Variants in WARS2 observed in about 807,000 individuals in gnomAD.
WARS2 encodes tryptophan--tRNA ligase, mitochondrial.
A neutral mutation model predicts 36.5 loss-of-function variants in WARS2; 28 were observed. That is an observed-to-expected ratio of 0.77 (90% CI 0.57 to 1.05). The LOEUF (loss-of-function observed/expected upper bound fraction) is 1.05. WARS2 is among the 50% of genes least tolerant of loss of function. The pLI, the probability that WARS2 is intolerant of heterozygous loss-of-function variation, is 0.00. For synonymous variants in WARS2, 174 were observed against 178.4 expected, an observed-to-expected ratio of 0.98 and a Z score of 0.20; for missense variants, 435 against 456.8, an observed-to-expected ratio of 0.95 and a Z score of 0.44.
At chr1:119,075,136 A>G (rs1043953964) in intron 2 of WARS2, among the ~76,000 whole-genome samples, 4 of 148,650 alleles carry the variant, frequency 2.7e-5, no homozygotes, top group Admixed American at 2.7e-4. Context: ...CTAATCTCTA[A>G]AAATTTAAAA....
Position 119,122,770 on chromosome 1 carries a change from A to T in WARS2, c.90+17785T>A, listed in dbSNP as rs752334345. ...GATGAAGTTGGAGACCACTATTCTA[A>T]GTGAAGTAACTTATGAATGGGAAAA... On this transcript the variant is annotated intron_variant, in intron 1 of 5. Transcript: ENST00000235521. Among the ~76,000 whole-genome samples, 62 of 152,314 alleles carry T rather than the reference A, an allele frequency of 4.1e-4. 1 individual carries two copies. The highest frequency in any genetic ancestry group is 7.2e-4 in the Admixed American group (11 of 15,294).
At chr1:119,069,886 C>T (rs1232392286) in intron 2 of WARS2, among the ~76,000 whole-genome samples, 2 of 152,138 alleles carry the variant, frequency 1.3e-5, no homozygotes, top group African/African-American at 2.4e-5. Flanking sequence ...CTCCCCACTT[C>T]CCCTCCACAA....
rs3790549 is a variant in WARS2 at position 119,033,195 on chromosome 1, C to G, written c.799G>C (p.Ala267Pro). 0.049 allele frequency: 79,756 copies of G among 1,614,182 alleles called. 2,726 individuals carry two copies. Among genetic ancestry groups the G allele is most frequent in the East Asian group, 0.18 (8,096 of 44,878 alleles). Residue 267 changes from alanine (A) to proline (P), a missense_variant, in exon 6 of 6, where the codon GCT becomes CCT. Physicochemically the swap from Ala to Pro is conservative, Grantham distance 27. Transcript: ENST00000235521. ...DFTSEVTYDP[A>P]GRAGVSNIVA... The stretch of plus-strand genomic sequence containing the variant: ...ATGTTGGACACGCCAGCGCGGCCAG[C>G]CGGGTCATAGGTGACCTCCGAGGTG...
intron 2 of WARS2, among the ~76,000 whole-genome samples, chr1:119,068,679 A>G (rs1323239573): frequency 6.6e-6 from 1 of 152,216 alleles, no homozygotes; most frequent in East Asian, 1.9e-4. Flanking sequence ...TACCCCAGGC[A>G]GCTGTACGAC....
intron 1 of WARS2, chr1:119,085,767 A>C (rs2101376993): frequency 9.4e-6 from 15 of 1,594,818 alleles, no homozygotes; most frequent in Non-Finnish European, 1.2e-5. Flanking sequence ...ATTAATGTTA[A>C]CAATCTCCCC....
At position 119,073,532 on chromosome 1, in the gene WARS2, A is replaced by G. The variant is rs1338203311; in HGVS notation, c.348+2818T>C. Among the ~76,000 whole-genome samples the G allele has an allele frequency of 2.0e-5, 3 of 152,182 alleles. No individual in the cohort carries two copies. The South Asian group carries it at 6.2e-4, about 32-fold the overall frequency. On this transcript the variant is annotated intron_variant, in intron 2 of 5. Transcript: ENST00000235521. ...AAACTATCAAAATTCTCCACAATGG[A>G]GCTGAAGTGAGGGATGGCAGGAGGT...
chr1:119,128,655 T>C (rs1655863444), intron 1 of WARS2, among the ~76,000 whole-genome samples: 1 of 147,364 alleles, frequency 6.8e-6, no homozygotes, highest in African/African-American at 2.5e-5. Flanking sequence ...AAATGCAATT[T>C]AAATGGTATT....
chr1:119,130,347 A>G (rs1656011379), intron 1 of WARS2, among the ~76,000 whole-genome samples: 1 of 152,208 alleles, frequency 6.6e-6, no homozygotes, highest in Non-Finnish European at 1.5e-5. Context: ...GTATGTCTAC[A>G]CTTTTCTATA....
chr1:119,122,741 C>A (rs1175473703), intron 1 of WARS2, among the ~76,000 whole-genome samples: 2 of 152,036 alleles, frequency 1.3e-5, no homozygotes, highest in African/African-American at 2.4e-5. Context: ...TTCACAGCAA[C>A]CTGGATGAAG....
At chr1:119,049,440 T>A (rs1649149524) in intron 2 of WARS2, among the ~76,000 whole-genome samples, 1 of 152,232 alleles carries the variant, frequency 6.6e-6, no homozygotes, top group Non-Finnish European at 1.5e-5. Context: ...TTGTTTTTTA[T>A]ACCCACTCCC....
At chr1:119,135,118 C>T (rs769015855) in intron 1 of WARS2, among the ~76,000 whole-genome samples, 1 of 152,206 alleles carries the variant, frequency 6.6e-6, no homozygotes, top group Non-Finnish European at 1.5e-5. Flanking sequence ...AAAATATATA[C>T]ACATCAAAGT....
intron 1 of WARS2, among the ~76,000 whole-genome samples, chr1:119,106,822 C>T (rs953129268): frequency 2.0e-5 from 3 of 152,142 alleles, no homozygotes; most frequent in Non-Finnish European, 2.9e-5. Context: ...TTGGTGAACA[C>T]CAAGGAGCAT....
intron 2 of WARS2, among the ~76,000 whole-genome samples, chr1:119,066,589 C>T (rs915052139): frequency 6.7e-6 from 1 of 148,208 alleles, no homozygotes. Context: ...TAGGAAAATA[C>T]AATTAAAAAA....
At chr1:119,115,541 T>A (rs1289310872) in intron 1 of WARS2, among the ~76,000 whole-genome samples, 1 of 152,168 alleles carries the variant, frequency 6.6e-6, no homozygotes, top group African/African-American at 2.4e-5. Context: ...CTCTACTGTA[T>A]CCAGATGGCA....
intron 1 of WARS2, among the ~76,000 whole-genome samples, chr1:119,130,367 A>G (rs1274399634): frequency 6.6e-6 from 1 of 152,318 alleles, no homozygotes; most frequent in South Asian, 2.1e-4. Flanking sequence ...ATACAGATGT[A>G]ACAAACCTCA....
At chr1:119,129,732 A>AT (rs1255900413) in intron 1 of WARS2, among the ~76,000 whole-genome samples, 3 of 151,848 alleles carry the variant, frequency 2.0e-5, no homozygotes, top group East Asian at 1.9e-4. Flanking sequence ...AAAAATAAAA[A>AT]AAAAATAAAA....
chr1:119,060,571 T>C (rs191176950), intron 2 of WARS2, among the ~76,000 whole-genome samples: 1 of 152,288 alleles, frequency 6.6e-6, no homozygotes, highest in African/African-American at 2.4e-5. Context: ...CAAGCTCCTA[T>C]TGGATAAATT....
rs1647436792 is a variant in WARS2, at chr1:119,031,652, C to A, written c.*1259G>T. 6.6e-6 allele frequency: 1 copy of A among 152,158 alleles called. No individual in the cohort carries two copies. Among genetic ancestry groups the A allele is most frequent in the Non-Finnish European group, 1.5e-5 (1 of 68,056 alleles). The allele number at this position is 152,158 out of a possible 1,614,324, so 9.4% of individuals were successfully genotyped here. On this transcript the variant is annotated 3_prime_UTR_variant, in exon 6 of 6. Coordinates refer to ENST00000235521, the MANE Select transcript of WARS2 (RefSeq NM_015836.4). ...GTCTTGGTGTATAAGTTAGGATTAT[C>A]ATTTTCATTTTCAGGTGTCAGAAAT...
chr1:119,073,126 C>T (rs587694032), intron 2 of WARS2, among the ~76,000 whole-genome samples: 2 of 143,626 alleles, frequency 1.4e-5, no homozygotes, highest in Non-Finnish European at 3.0e-5. Flanking sequence ...CCAGCCTGGG[C>T]AACAGAGCAA....
Sources: gnomAD v4.1 joint callset for allele counts (sites outside exome capture counted in the v4.1 genomes callset) on GRCh38, gnomAD v4.1.1 for gene constraint, MANE v1.5 for transcripts, NCBI Gene and HGNC (gene_info 2026-07-23, HGNC 2026-07-21) for gene names.